SCAPER: variants seen among roughly 807,000 people sequenced by gnomAD.
SCAPER encodes S phase cyclin A-associated protein in the endoplasmic reticulum.
SCAPER carries 98 observed loss-of-function variants against 182.2 expected under a neutral mutation model. The observed-to-expected ratio is 0.54, with a 90% CI of 0.46 to 0.64. The LOEUF is 0.64. Among genes scored for constraint, SCAPER ranks in the 30% least tolerant of loss-of-function variants. The probability of loss-of-function intolerance (pLI) is 0.00; values close to 1 mark genes in which losing one functional copy is unlikely to be tolerated. For missense variants in SCAPER, 1,432 were observed against 1,690.0 expected, an observed-to-expected ratio of 0.85 and a Z score of 2.68; for synonymous variants, 605 against 564.6, an observed-to-expected ratio of 1.07 and a Z score of -1.01.
intron 2 of SCAPER, among the ~76,000 whole-genome samples, chr15:76,869,716 A>G (rs1476529740): frequency 6.6e-6 from 1 of 152,184 alleles, no homozygotes; most frequent in Non-Finnish European, 1.5e-5. Flanking sequence ...AAAAAACTAA[A>G]AAGAGAATCA....
intron 23 of SCAPER, among the ~76,000 whole-genome samples, chr15:76,517,330 G>T (rs2042506114): frequency 6.6e-6 from 1 of 151,074 alleles, no homozygotes; most frequent in South Asian, 2.1e-4. Flanking sequence ...TGCCTTAGTC[G>T]AGCTTTCCTT....
chr15:76,517,120 T>C (rs1312178840), intron 23 of SCAPER, among the ~76,000 whole-genome samples: 1 of 152,160 alleles, frequency 6.6e-6, no homozygotes, highest in African/African-American at 2.4e-5. Flanking sequence ...TGGGAAAATC[T>C]TGCATGTAAC....
At chr15:76,856,739 A>C (rs1466070688) in intron 4 of SCAPER, among the ~76,000 whole-genome samples, 1 of 152,018 alleles carries the variant, frequency 6.6e-6, no homozygotes, top group African/African-American at 2.4e-5. Context: ...ACAGTGGTGT[A>C]CACTTGTGGT....
intron 15 of SCAPER, among the ~76,000 whole-genome samples, chr15:76,738,196 G>A (rs546126549): frequency 6.6e-6 from 1 of 152,162 alleles, no homozygotes; most frequent in East Asian, 1.9e-4. Context: ...CTGGAGTGCA[G>A]TGGCTCACTG....
intron 24 of SCAPER, among the ~76,000 whole-genome samples, chr15:76,495,286 A>G (rs1307852000): frequency 6.6e-6 from 1 of 152,096 alleles, no homozygotes. Flanking sequence ...GAGGAATAAG[A>G]GATGATGCAG....
intron 1 of SCAPER, among the ~76,000 whole-genome samples, chr15:76,901,381 A>T (rs946727109): frequency 2.6e-5 from 4 of 152,226 alleles, no homozygotes; most frequent in East Asian, 1.9e-4. Context: ...GGCATGCTCA[A>T]TTGAAAATAC....
chr15:76,522,175 T>C (rs946854003), intron 23 of SCAPER, among the ~76,000 whole-genome samples: 1 of 152,114 alleles, frequency 6.6e-6, no homozygotes, highest in African/African-American at 2.4e-5. Flanking sequence ...TTCTGAAAAA[T>C]CCAAAATGCA....
chr15:76,362,145 G>A (rs2041467940), intron 29 of SCAPER, among the ~76,000 whole-genome samples: 1 of 151,628 alleles, frequency 6.6e-6, no homozygotes, highest in African/African-American at 2.4e-5. Context: ...GCTAATTTTT[G>A]TATTTTTAGT....
At chr15:76,726,193 A>C (rs2060590387) in intron 17 of SCAPER, among the ~76,000 whole-genome samples, 1 of 143,166 alleles carries the variant, frequency 7.0e-6, no homozygotes, top group African/African-American at 2.6e-5. Context: ...AACCAGATTA[A>C]AAAATAGGCA....
chr15:76,368,302 T>C (rs1275303448), intron 29 of SCAPER, among the ~76,000 whole-genome samples: 1 of 152,182 alleles, frequency 6.6e-6, no homozygotes, highest in Non-Finnish European at 1.5e-5. Flanking sequence ...ACTCTAAAAG[T>C]TCTAAATGCT....
At chr15:76,519,426 A>G (rs1013780018) in intron 23 of SCAPER, among the ~76,000 whole-genome samples, 1 of 152,188 alleles carries the variant, frequency 6.6e-6, no homozygotes, top group African/African-American at 2.4e-5. Context: ...GATAGGCAGG[A>G]ATGACATATT....
At chr15:76,862,056 C>T (rs2071919554) in intron 3 of SCAPER, 1 of 158,468 alleles carries the variant, frequency 6.3e-6, no homozygotes, top group Admixed American at 6.4e-5. Context: ...ATTACCTCCA[C>T]TTGGTCTCTC....
chr15:76,725,950 CAA>C (rs34812589), intron 17 of SCAPER, among the ~76,000 whole-genome samples: 1 of 145,452 alleles, frequency 6.9e-6, no homozygotes. Flanking sequence ...TTGAATATGA[CAA>C]AAAAAAAGTA....
chr15:76,441,595 C>A (rs778090496), intron 25 of SCAPER, among the ~76,000 whole-genome samples: 5 of 152,150 alleles, frequency 3.3e-5, no homozygotes, highest in Non-Finnish European at 7.3e-5. Flanking sequence ...TGCTCGCATT[C>A]TGGTATTTCC....
chr15:76,574,899 C>G (rs1401269971), intron 22 of SCAPER, among the ~76,000 whole-genome samples: 2 of 152,110 alleles, frequency 1.3e-5, no homozygotes, highest in East Asian at 3.8e-4. Context: ...CTTGGAGCAA[C>G]CCTCCTCTGC....
chr15:76,645,179 C>T (rs1257722043), intron 21 of SCAPER, among the ~76,000 whole-genome samples: 1 of 151,972 alleles, frequency 6.6e-6, no homozygotes, highest in Non-Finnish European at 1.5e-5. Context: ...AAGTTATATG[C>T]AAATAGTGCA....
chr15:76,507,019 T>C (rs1187145047), intron 23 of SCAPER, among the ~76,000 whole-genome samples: 1 of 152,140 alleles, frequency 6.6e-6, no homozygotes, highest in African/African-American at 2.4e-5. Flanking sequence ...CAATGCAATA[T>C]ATATGTAAAA....
chr15:76,349,532 C>A (rs985029589), intron 31 of SCAPER: 7 of 152,070 alleles, frequency 4.6e-5, no homozygotes, highest in Admixed American at 4.6e-4. Flanking sequence ...CCAAGAGCTG[C>A]TTTTATATTT....
chr15:76,351,298 G>A lies in SCAPER; in HGVS notation c.4048-10C>T, dbSNP rs1262457960. ...GAGTCTGTGCCAAATCCTGTATGAGGAGAGAAAAGTGTTTTTCTATCAATG... is the reference window on the plus strand; with the variant it reads ...GAGTCTGTGCCAAATCCTGTATGAGAAGAGAAAAGTGTTTTTCTATCAATG... On this transcript the variant is annotated splice_polypyrimidine_tract_variant and intron_variant, in intron 30 of 31. Coordinates refer to ENST00000563290, the MANE Select transcript of SCAPER (RefSeq NM_020843.4). 31 of 1,604,672 alleles carry A rather than the reference G, an allele frequency of 1.9e-5. No homozygotes were observed. Among genetic ancestry groups the A allele is most frequent in the Middle Eastern group, 1.6e-4 (1 of 6,078 alleles).
Sources: gnomAD v4.1 joint callset for allele counts (sites outside exome capture counted in the v4.1 genomes callset) on GRCh38, gnomAD v4.1.1 for gene constraint, MANE v1.5 for transcripts, NCBI Gene and HGNC (gene_info 2026-07-23, HGNC 2026-07-21) for gene names.